Variants in DCDC1 observed in about 807,000 individuals in gnomAD.
DCDC1 encodes the protein doublecortin domain containing 1.
In DCDC1, 200 loss-of-function variants were observed where a neutral mutation model predicts 178.3. That is an observed-to-expected ratio of 1.12 (90% CI 1.00 to 1.26). DCDC1 has a LOEUF of 1.26. Among genes scored for constraint, DCDC1 ranks in the 50% most tolerant of loss-of-function variants. The pLI is 0.00. For missense variants in DCDC1, 1,983 were observed against 1,749.2 expected, an observed-to-expected ratio of 1.13 and a Z score of -2.38; for synonymous variants, 690 against 604.8, an observed-to-expected ratio of 1.14 and a Z score of -2.07.
chr11:30,962,531 T>C (rs2134590893), intron 20 of DCDC1, among the ~76,000 whole-genome samples: 1 of 152,204 alleles, frequency 6.6e-6, no homozygotes, highest in South Asian at 2.1e-4. Context: ...TGTTATATTA[T>C]ATCCCTCTCA....
chr11:31,261,736 T>C (rs1424582647), intron 8 of DCDC1, among the ~76,000 whole-genome samples: 1 of 152,108 alleles, frequency 6.6e-6, no homozygotes, highest in Admixed American at 6.6e-5. Flanking sequence ...GGAATAACTG[T>C]ATATGTACCA....
At chr11:31,013,022 G>A (rs1256921322) in intron 20 of DCDC1, among the ~76,000 whole-genome samples, 2 of 152,156 alleles carry the variant, frequency 1.3e-5, no homozygotes, top group African/African-American at 2.4e-5. Flanking sequence ...AAGCCAATAT[G>A]TCAACACATT....
intron 11 of DCDC1, among the ~76,000 whole-genome samples, chr11:31,121,245 C>T (rs573449935): frequency 4.0e-5 from 6 of 151,554 alleles, no homozygotes; most frequent in Admixed American, 2.6e-4. Flanking sequence ...ATAGAATATA[C>T]GAGTGCACAT....
intron 20 of DCDC1, among the ~76,000 whole-genome samples, chr11:30,988,458 T>G (rs889199998): frequency 1.3e-5 from 2 of 150,702 alleles, no homozygotes; most frequent in Non-Finnish European, 3.0e-5. Context: ...GAGTAAGGAG[T>G]AAGTTTGGGA....
chr11:31,008,586 C>T (rs1259476365), intron 20 of DCDC1, among the ~76,000 whole-genome samples: 1 of 152,186 alleles, frequency 6.6e-6, no homozygotes, highest in Non-Finnish European at 1.5e-5. Flanking sequence ...TGGGACCAGA[C>T]ATTCCGCCTC....
intron 37 of DCDC1, among the ~76,000 whole-genome samples, chr11:30,879,645 AT>A (rs1231238004): frequency 1.3e-5 from 2 of 152,170 alleles, no homozygotes; most frequent in Non-Finnish European, 2.9e-5. Context: ...AAAAATGAAC[AT>A]TTGTCTCCAT....
At chr11:30,897,582 C>CAAAAAAA (rs35815662) in intron 34 of DCDC1, among the ~76,000 whole-genome samples, 1 of 72,902 alleles carries the variant, frequency 1.4e-5, no homozygotes, top group Non-Finnish European at 2.6e-5. Context: ...GACTCCGTCT[C>CAAAAAAA]AAAAAAAAAA....
chr11:30,916,331 C>A (rs1362961559), intron 26 of DCDC1, among the ~76,000 whole-genome samples: 2 of 152,138 alleles, frequency 1.3e-5, no homozygotes, highest in African/African-American at 4.8e-5. Flanking sequence ...ACGTGCATGG[C>A]CTAGTGCTAA....
At chr11:30,905,254 G>C in intron 30 of DCDC1, 90 bp from the exon 31 acceptor site, 1 of 1,285,536 alleles carries the variant, frequency 7.8e-7, no homozygotes, top group South Asian at 1.5e-5. Context: ...GTGTGTATAC[G>C]TGTGTGGTGT....
At chr11:30,923,842 C>G (rs1402700319) in intron 23 of DCDC1, among the ~76,000 whole-genome samples, 3 of 152,034 alleles carry the variant, frequency 2.0e-5, no homozygotes, top group African/African-American at 4.8e-5. Flanking sequence ...GTCTTGAACT[C>G]TTAAGCTCAG....
chr11:31,307,611 A>G (rs758252171), intron 4 of DCDC1, 28 bp downstream of exon 4: 1 of 1,609,624 alleles, frequency 6.2e-7, no homozygotes, highest in Non-Finnish European at 8.5e-7. Flanking sequence ...ACAATAGGTT[A>G]AAAAGAACAG....
chr11:31,167,387 G>A (rs182370993), intron 9 of DCDC1, among the ~76,000 whole-genome samples: 2 of 152,042 alleles, frequency 1.3e-5, no homozygotes, highest in African/African-American at 2.4e-5. Flanking sequence ...CTTTTCATTT[G>A]TCAGGTATTT....
intron 12 of DCDC1, among the ~76,000 whole-genome samples, chr11:31,109,320 T>C (rs1959052269): frequency 6.6e-6 from 1 of 151,940 alleles, no homozygotes; most frequent in African/African-American, 2.4e-5. Context: ...GATTTTGCCA[T>C]GTTGCTCAGG....
chr11:30,969,339 A>T (rs989489265), intron 20 of DCDC1, among the ~76,000 whole-genome samples: 1 of 152,194 alleles, frequency 6.6e-6, no homozygotes, highest in Non-Finnish European at 1.5e-5. Context: ...AGAAGGCAAT[A>T]TGATCACAAA....
intron 9 of DCDC1, among the ~76,000 whole-genome samples, chr11:31,158,789 G>A (rs1345168392): frequency 6.6e-6 from 1 of 152,052 alleles, no homozygotes; most frequent in Non-Finnish European, 1.5e-5. Context: ...TTTCTTAGGA[G>A]ACACAGAAAA....
At position 30,885,792 on chromosome 11, in the gene DCDC1, TC is replaced by T. The variant is rs369665554; in HGVS notation, c.5083-4485del. ...CTAGAAAACAATTTGGTGACAGGTA[TC>T]AAAATTCTTAGGCATGTTTATTAAC... On this transcript the variant is annotated intron_variant, in intron 36 of 38. Transcript: ENST00000684477. 9.9e-5 allele frequency among the ~76,000 whole-genome samples: 15 copies of T among 152,208 alleles called. 1 individual carries two copies. The highest frequency in any genetic ancestry group is 3.4e-4 in the African/African-American group (14 of 41,570).
intron 34 of DCDC1, 137 bp from the exon 35 acceptor site, chr11:30,894,521 A>G: frequency 8.1e-7 from 1 of 1,227,346 alleles, no homozygotes; most frequent in South Asian, 1.7e-5. Context: ...ATAAAAGCAA[A>G]GATGCCTAAG....
At chr11:31,188,101 C>T (rs959341006) in intron 9 of DCDC1, among the ~76,000 whole-genome samples, 3 of 152,094 alleles carry the variant, frequency 2.0e-5, no homozygotes, top group Admixed American at 6.6e-5. Context: ...GGACTATAAG[C>T]CTGCACCACT....
chr11:31,143,212 G>T (rs1964051321), intron 9 of DCDC1, among the ~76,000 whole-genome samples: 1 of 152,188 alleles, frequency 6.6e-6, no homozygotes, highest in African/African-American at 2.4e-5. Flanking sequence ...AGTGGCTGGA[G>T]ATGGAGAAGC....
Sources: gnomAD v4.1 joint callset for allele counts (sites outside exome capture counted in the v4.1 genomes callset) on GRCh38, gnomAD v4.1.1 for gene constraint, MANE v1.5 for transcripts, NCBI Gene and HGNC (gene_info 2026-07-23, HGNC 2026-07-21) for gene names.